Variants in RGS7 observed in about 807,000 individuals in gnomAD.
RGS7 encodes regulator of G-protein signaling 7.
In RGS7, 27 loss-of-function variants were observed where a neutral mutation model predicts 81.1. The ratio of observed to expected loss-of-function variants is 0.33; its 90% CI spans 0.25 to 0.46. RGS7 has a LOEUF of 0.46. Among genes scored for constraint, RGS7 ranks in the 20% least tolerant of loss-of-function variants. The pLI, the probability that RGS7 is intolerant of heterozygous loss-of-function variation, is 1.00. For missense variants in RGS7, 396 were observed against 607.4 expected (o/e 0.65, Z 3.66); for synonymous variants, 208 against 207.7 (o/e 1.00, Z -0.01).
chr1:240,936,530 A>C (rs758295022), intron 5 of RGS7, 70 bp downstream of exon 5: 17 of 1,198,130 alleles, frequency 1.4e-5, no homozygotes, highest in Non-Finnish European at 2.0e-5. Flanking sequence ...TTCTGTTCAA[A>C]AGAAACCTAA....
At chr1:240,909,405 C>A (rs1245278853) in intron 6 of RGS7, among the ~76,000 whole-genome samples, 1 of 152,174 alleles carries the variant, frequency 6.6e-6, no homozygotes, top group East Asian at 1.9e-4. Context: ...TATATTCCCA[C>A]CCCTAGTCTA....
chr1:240,920,006 T>C, intron 6 of RGS7: 1 of 1,293,208 alleles, frequency 7.7e-7, no homozygotes, highest in Non-Finnish European at 1.1e-6. Flanking sequence ...CAGAAGAACA[T>C]CACCTAAGAG....
At chr1:241,160,125 A>AGAAAAG (rs1436461583) in intron 2 of RGS7, among the ~76,000 whole-genome samples, 8 of 141,418 alleles carry the variant, frequency 5.7e-5, no homozygotes, top group Non-Finnish European at 7.5e-5. Flanking sequence ...AAAAAAAAAA[A>AGAAAAG]AAAAAGAAAA....
chr1:241,123,279 C>T (rs778412946), intron 2 of RGS7, among the ~76,000 whole-genome samples: 2 of 152,190 alleles, frequency 1.3e-5, no homozygotes, highest in Non-Finnish European at 2.9e-5. Context: ...ATCTACCTCA[C>T]CAAGGCCTCC....
At chr1:241,066,510 AAAC>A (rs1415791780) in intron 3 of RGS7, among the ~76,000 whole-genome samples, 1 of 152,248 alleles carries the variant, frequency 6.6e-6, no homozygotes, top group African/African-American at 2.4e-5. Context: ...ATTAAAAATA[AAAC>A]AACATGTAAT....
At chr1:240,776,263 A>G in intron 18 of RGS7, 50 bp from the exon 19 acceptor site, 2 of 1,368,290 alleles carry the variant, frequency 1.5e-6, no homozygotes, top group Non-Finnish European at 2.1e-6. Context: ...AAGTACGATC[A>G]CTGAAAACCT....
At chr1:240,940,451 T>C (rs914184152) in intron 4 of RGS7, among the ~76,000 whole-genome samples, 1 of 152,146 alleles carries the variant, frequency 6.6e-6, no homozygotes, top group African/African-American at 2.4e-5. Context: ...TTAGGGAATA[T>C]AGGGTGGGGC....
At position 240,793,449 on chromosome 1, in the gene RGS7, T is replaced by C. The variant is rs148658150; in HGVS notation, c.*6+7192A>G. On this transcript the variant is annotated intron_variant, in intron 18 of 18. Coordinates refer to ENST00000440928, the MANE Select transcript of RGS7 (RefSeq NM_001364886.1). The stretch of plus-strand genomic sequence containing the variant: ...ACTACAAAATGACAAATGAGATGGT[T>C]TCAGGTCCACAGCAGAAGAAAGACG... Among the ~76,000 whole-genome samples the C allele has an allele frequency of 3.6e-4, 54 of 151,824 alleles. 1 individual carries two copies. In the East Asian group the frequency reaches 7.2e-3, roughly 20 times the overall value.
chr1:240,803,509 A>G (rs1184223526), intron 15 of RGS7, among the ~76,000 whole-genome samples: 1 of 152,124 alleles, frequency 6.6e-6, no homozygotes, highest in Non-Finnish European at 1.5e-5. Context: ...TCAGAGCACA[A>G]GTCCAAAAAT....
At chr1:241,100,247 C>T (rs1213439777) in intron 2 of RGS7, among the ~76,000 whole-genome samples, 1 of 151,748 alleles carries the variant, frequency 6.6e-6, no homozygotes, top group South Asian at 2.1e-4. Flanking sequence ...CGGTGGCAGG[C>T]GCCTGTAGTC....
At chr1:241,044,530 C>T (rs1049214252) in intron 3 of RGS7, among the ~76,000 whole-genome samples, 16 of 152,212 alleles carry the variant, frequency 1.1e-4, no homozygotes, top group African/African-American at 3.9e-4. Flanking sequence ...TCAGGCAATC[C>T]TCCCATCTCA....
At chr1:240,967,660 G>A (rs1682558618) in intron 4 of RGS7, among the ~76,000 whole-genome samples, 2 of 151,706 alleles carry the variant, frequency 1.3e-5, no homozygotes, top group African/African-American at 2.4e-5. Context: ...CGAGAGGCCC[G>A]AGAAAATGAC....
At chr1:240,867,706 A>T (rs1466642124) in intron 9 of RGS7, among the ~76,000 whole-genome samples, 1 of 152,192 alleles carries the variant, frequency 6.6e-6, no homozygotes, top group Non-Finnish European at 1.5e-5. Flanking sequence ...ATAGGTTTTA[A>T]GAAAGAAAAT....
At chr1:241,298,960 C>T (rs944310335) in intron 2 of RGS7, among the ~76,000 whole-genome samples, 2 of 152,180 alleles carry the variant, frequency 1.3e-5, no homozygotes, top group Non-Finnish European at 1.5e-5. Flanking sequence ...AATTGAGCTG[C>T]GCGTGCTATG....
At chr1:240,929,774 A>C (rs979976966) in intron 6 of RGS7, among the ~76,000 whole-genome samples, 1 of 152,154 alleles carries the variant, frequency 6.6e-6, no homozygotes, top group Non-Finnish European at 1.5e-5. Flanking sequence ...ATCCAGCTCA[A>C]ATGGTACCAG....
intron 3 of RGS7, among the ~76,000 whole-genome samples, chr1:241,095,280 A>C (rs1339002447): frequency 6.6e-6 from 1 of 152,196 alleles, no homozygotes; most frequent in East Asian, 1.9e-4. Context: ...GTGGGTCCAG[A>C]TACTATATTT....
At chr1:241,147,780 T>TCATATATATA (rs2068424502) in intron 2 of RGS7, among the ~76,000 whole-genome samples, 2 of 44,604 alleles carry the variant, frequency 4.5e-5, no homozygotes, top group African/African-American at 6.5e-5. Flanking sequence ...AGATTAAGTT[T>TCATATATATA]TATATATATA....
At chr1:241,327,151 GAAA>G (rs1573697544) in intron 2 of RGS7, among the ~76,000 whole-genome samples, 1 of 86,792 alleles carries the variant, frequency 1.2e-5, no homozygotes. Context: ...AGAAAGGAAA[GAAA>G]GAAAGAAAGA....
At chr1:241,162,222 G>GCGCCCCCCCCCGCCC (rs68166816) in intron 2 of RGS7, among the ~76,000 whole-genome samples, 2 of 142,028 alleles carry the variant, frequency 1.4e-5, no homozygotes, top group Non-Finnish European at 3.1e-5. Flanking sequence ...CTGGTGATCA[G>GCGCCCCCCCCCGCCC]CTTCCAAATA....
Sources: gnomAD v4.1 joint callset for allele counts (sites outside exome capture counted in the v4.1 genomes callset) on GRCh38, gnomAD v4.1.1 for gene constraint, MANE v1.5 for transcripts, NCBI Gene and HGNC (gene_info 2026-07-23, HGNC 2026-07-21) for gene names.